USP6NL: variants seen among roughly 807,000 people sequenced by gnomAD.
The protein encoded by USP6NL is USP6 N-terminal like, also known as USP6 N-terminal-like protein.
In USP6NL, 26 loss-of-function variants were observed where a neutral mutation model predicts 61.9. That is an observed-to-expected ratio of 0.42 (90% CI 0.31 to 0.58). The LOEUF (loss-of-function observed/expected upper bound fraction) is 0.58. Among genes scored for constraint, USP6NL ranks in the 20% least tolerant of loss-of-function variants. The pLI is 0.16. For missense variants in USP6NL, 1,114 were observed against 1,034.3 expected (o/e 1.08, Z -1.06); for synonymous variants, 432 against 390.1 (o/e 1.11, Z -1.27).
chr10:11,475,301 C>CAAA (rs766814955), intron 14 of USP6NL, among the ~76,000 whole-genome samples: 218 of 127,582 alleles, frequency 1.7e-3, no homozygotes, highest in East Asian at 0.01. Context: ...GAAAGTTTGC[C>CAAA]AAAAAAAAAA....
chr10:11,481,474 G>A lies in USP6NL; in HGVS notation c.1078+296C>T, dbSNP rs569304464. Reference sequence around the variant, plus strand: ...CAAAAAAAAGCTTATTGTTATGCTCGTTTAAAGCACCATGGCTACTTCTGT... The same window carrying A: ...CAAAAAAAAGCTTATTGTTATGCTCATTTAAAGCACCATGGCTACTTCTGT... On this transcript the variant is annotated intron_variant, in intron 14 of 14. Coordinates refer to ENST00000609104, the MANE Select transcript of USP6NL (RefSeq NM_014688.5). This position sits in a 1 kb window ranked among gnomAD's most constrained non-coding sequence, Gnocchi z 4.4. Among the ~76,000 whole-genome samples the A allele has an allele frequency of 2.6e-5, 4 of 152,278 alleles. No individual in the cohort carries two copies. The highest frequency in any genetic ancestry group is 6.5e-5 in the Admixed American group (1 of 15,294).
chr10:11,560,118 G>A (rs1434215474), intron 2 of USP6NL, among the ~76,000 whole-genome samples: 4 of 151,934 alleles, frequency 2.6e-5, no homozygotes, highest in East Asian at 1.9e-4. Context: ...GTCTCATTTC[G>A]TTCAAAAAAG....
chr10:11,571,907 C>T (rs1261008038), intron 2 of USP6NL, among the ~76,000 whole-genome samples: 1 of 149,746 alleles, frequency 6.7e-6, no homozygotes, highest in Non-Finnish European at 1.5e-5. Flanking sequence ...AAACAAAAGT[C>T]TGAGAACAAA....
At chr10:11,501,369 A>G (rs189071795) in intron 6 of USP6NL, among the ~76,000 whole-genome samples, 161 bp from the exon 7 acceptor site, 6 of 152,208 alleles carry the variant, frequency 3.9e-5, no homozygotes, top group African/African-American at 9.6e-5. Flanking sequence ...TGTCATCTCT[A>G]TTTTTAAGAT....
At chr10:11,605,054 T>G (rs1425423274) in intron 1 of USP6NL, among the ~76,000 whole-genome samples, 2 of 152,146 alleles carry the variant, frequency 1.3e-5, no homozygotes. Flanking sequence ...TATATGTGTA[T>G]TCCTTATTTA....
In USP6NL at chr10:11,509,578, A is replaced by C. The variant is rs1263586419; in HGVS notation, c.276+17T>G. The C allele has an allele frequency of 6.5e-7, 1 of 1,530,510 alleles. No homozygotes were observed. Among genetic ancestry groups the C allele is most frequent in the Non-Finnish European group, 8.8e-7 (1 of 1,133,612 alleles). 94.8% of individuals were successfully genotyped at this position (1,530,510 alleles called of 1,614,324 possible). A position where few individuals can be genotyped will look rare whatever the true frequency, so the allele number is the denominator to read the frequency against. On this transcript the variant is annotated intron_variant, in intron 6 of 14. Coordinates refer to ENST00000609104, the MANE Select transcript of USP6NL (RefSeq NM_014688.5). The stretch of plus-strand genomic sequence containing the variant: ...AGTTTATATAGTTTCATATGGAAAA[A>C]CATGATTTTAAATTACCTTTTCAGT...
chr10:11,594,277 A>ATTCAGTTACATC (rs1226528173), intron 2 of USP6NL, among the ~76,000 whole-genome samples: 1 of 152,234 alleles, frequency 6.6e-6, no homozygotes, highest in African/African-American at 2.4e-5. Flanking sequence ...AATGGACAAG[A>ATTCAGTTACATC]AAAAGAAATG....
intron 2 of USP6NL, among the ~76,000 whole-genome samples, chr10:11,571,487 T>A (rs1402278947): frequency 6.6e-6 from 1 of 152,178 alleles, no homozygotes; most frequent in Non-Finnish European, 1.5e-5. Context: ...TCTCAAACCA[T>A]TTATCGTAAT....
rs1272340127 is a variant in USP6NL, at chr10:11,470,089, C to T, written c.1079-6240G>A. On this transcript the variant is annotated intron_variant, in intron 14 of 14. Transcript: ENST00000609104. This position sits in a 1 kb window ranked among gnomAD's most constrained non-coding sequence, Gnocchi z 5.4. Reference sequence around the variant, plus strand: ...CGCTGTGGAGGTAGTAACGCTGTGCCTCTCATGAGGAGGAGAAGCAAGAAG... The same window carrying T: ...CGCTGTGGAGGTAGTAACGCTGTGCTTCTCATGAGGAGGAGAAGCAAGAAG... Among the ~76,000 whole-genome samples, 1 of 152,184 alleles carries T rather than the reference C, an allele frequency of 6.6e-6. No homozygotes were observed. Among genetic ancestry groups the T allele is most frequent in the Non-Finnish European group, 1.5e-5 (1 of 68,040 alleles).
intron 6 of USP6NL, 49 bp from the exon 7 acceptor site, chr10:11,501,257 G>T: frequency 7.1e-7 from 1 of 1,411,250 alleles, no homozygotes; most frequent in Non-Finnish European, 9.7e-7. Context: ...AAAAAACTTA[G>T]ATTAGTCTCT....
In USP6NL at chr10:11,463,586, C is replaced by G; in HGVS notation, c.1342G>C (p.Asp448His). ...CCCGATGGGAGTTTTCTTTGAAAAT[C>G]TGCCTCATCTTTAAGCTTTTTGCTC... ...EESKKLKDEA[D>H]FQRKLPSGPQ... Residue 448 changes from aspartate (D) to histidine (H), a missense_variant, in exon 15 of 15, where the codon GAT (aspartate) becomes CAT (histidine). Physicochemically the swap from Asp to His is moderately conservative, Grantham distance 81. Coordinates refer to ENST00000609104, the MANE Select transcript of USP6NL (RefSeq NM_014688.5). The surrounding 1 kb of genome is among the most constrained non-coding windows in gnomAD (Gnocchi z 6.3). 1 of 1,613,968 alleles carries G rather than the reference C, an allele frequency of 6.2e-7. No homozygotes were observed. The highest frequency in any genetic ancestry group is 8.5e-7 in the Non-Finnish European group (1 of 1,179,884).
chr10:11,482,355 G>A lies in USP6NL; in HGVS notation c.926-433C>T, dbSNP rs1322949414. 6.6e-6 allele frequency among the ~76,000 whole-genome samples: 1 copy of A among 152,164 alleles called. No individual in the cohort carries two copies. The highest frequency in any genetic ancestry group is 2.4e-5 in the African/African-American group (1 of 41,432). On this transcript the variant is annotated intron_variant, in intron 13 of 14. Coordinates refer to ENST00000609104, the MANE Select transcript of USP6NL (RefSeq NM_014688.5). The surrounding 1 kb of genome is among the most constrained non-coding windows in gnomAD (Gnocchi z 4.0). ...GTTTCAGAATTTCCCAGAACATCTGGATTATTAATTTTGTGAGTTTTATTT... is the reference window on the plus strand; with the variant it reads ...GTTTCAGAATTTCCCAGAACATCTGAATTATTAATTTTGTGAGTTTTATTT...
chr10:11,500,965 C>A, intron 7 of USP6NL, 136 bp downstream of exon 7: 2 of 618,304 alleles, frequency 3.2e-6, no homozygotes. Flanking sequence ...ACAAATAGAC[C>A]TCCAAAACCT....
intron 2 of USP6NL, among the ~76,000 whole-genome samples, chr10:11,559,922 T>C (rs1591928031): frequency 6.6e-6 from 1 of 152,148 alleles, no homozygotes; most frequent in Non-Finnish European, 1.5e-5. Flanking sequence ...AGGAGTTAGG[T>C]TTGAGTCTAT....
At chr10:11,531,000 G>A (rs1352083617) in intron 2 of USP6NL, among the ~76,000 whole-genome samples, 1 of 152,194 alleles carries the variant, frequency 6.6e-6, no homozygotes, top group East Asian at 1.9e-4. Flanking sequence ...GTGTCTGTGT[G>A]CACATGTGAA....
intron 2 of USP6NL, among the ~76,000 whole-genome samples, chr10:11,593,172 G>C (rs1048287299): frequency 6.6e-6 from 1 of 152,188 alleles, no homozygotes; most frequent in Non-Finnish European, 1.5e-5. Context: ...ATTAGTTGCA[G>C]AGCAAAACTT....
At chr10:11,488,997 G>A (rs1015604678) in intron 10 of USP6NL, 105 bp downstream of exon 10, 1 of 1,462,306 alleles carries the variant, frequency 6.8e-7, no homozygotes, top group Middle Eastern at 1.9e-4. Context: ...CGAGCCCTGA[G>A]ACATTAAATT....
chr10:11,509,686 A>T lies in USP6NL; in HGVS notation c.196-11T>A. On this transcript the variant is annotated splice_polypyrimidine_tract_variant and intron_variant, in intron 5 of 14. Coordinates refer to ENST00000609104, the MANE Select transcript of USP6NL (RefSeq NM_014688.5). ...TTCCAGGTGCTTTTGCTAAAATAAA[A>T]TTGAAATTCATTGTTATTGTTGTTC... The T allele has an allele frequency of 6.5e-7, 1 of 1,540,528 alleles. No individual in the cohort carries two copies. The highest frequency in any genetic ancestry group is 8.8e-7 in the Non-Finnish European group (1 of 1,138,162).
rs958987497 is a variant in USP6NL at position 11,485,237 on chromosome 10, G to GA, written c.760-4dup. On this transcript the variant is annotated splice_polypyrimidine_tract_variant and splice_region_variant and intron_variant, in intron 11 of 14. Transcript: ENST00000609104. This position sits in a 1 kb window ranked among gnomAD's most constrained non-coding sequence, Gnocchi z 4.8. ...CTTGTGTAGATTTCTTGAGAATCCT[G>GA]AAAAAACAAAGAGCTCACAATTTAT... The GA allele has an allele frequency of 4.0e-6, 6 of 1,517,560 alleles. No homozygotes were observed. Among genetic ancestry groups the GA allele is most frequent in the Non-Finnish European group, 5.3e-6 (6 of 1,137,916 alleles). The allele number at this position is 1,517,560 out of a possible 1,614,324, so 94.0% of individuals were successfully genotyped here.
Sources: gnomAD v4.1 joint callset for allele counts (sites outside exome capture counted in the v4.1 genomes callset) on GRCh38, gnomAD v4.1.1 for gene constraint, Gnocchi (gnomAD v3.1) non-coding constraint, MANE v1.5 for transcripts, NCBI Gene and HGNC (gene_info 2026-07-23, HGNC 2026-07-21) for gene names.